Variants in RAG1 observed in about 807,000 individuals in gnomAD.
The protein encoded by RAG1 is V(D)J recombination-activating protein 1.
In RAG1, 35 loss-of-function variants were observed where a neutral mutation model predicts 62.7. The observed-to-expected ratio is 0.56, with a 90% CI of 0.43 to 0.74. The LOEUF (loss-of-function observed/expected upper bound fraction) is 0.74, where lower values mean the gene tolerates loss of function less well. Ranked by LOEUF, RAG1 falls within the 30% of genes least tolerant of loss-of-function variation. The probability of loss-of-function intolerance (pLI) is 0.00; values close to 1 mark genes in which losing one functional copy is unlikely to be tolerated. For synonymous variants in RAG1, 461 were observed against 470.3 expected (o/e 0.98, Z 0.26); for missense variants, 1,169 against 1,278.6 (o/e 0.91, Z 1.31).
chr11:36,535,736 C>T (rs1860316694), intron 2 of RAG1, among the ~76,000 whole-genome samples: 2 of 152,070 alleles, frequency 1.3e-5, no homozygotes, highest in South Asian at 4.1e-4. Context: ...CAGAGCAAGA[C>T]TCCCTCTCAA....
At position 36,577,942 on chromosome 11, in the gene RAG1, C is replaced by T. The variant is rs1321383624; in HGVS notation, c.*1506C>T. 6.0e-6 allele frequency: 1 copy of T among 167,026 alleles called. No individual in the cohort carries two copies. The highest frequency in any genetic ancestry group is 1.5e-5 in the Non-Finnish European group (1 of 68,114). 10.3% of individuals were successfully genotyped at this position (167,026 alleles called of 1,614,324 possible). A position where few individuals can be genotyped will look rare whatever the true frequency, so the allele number is the denominator to read the frequency against. On this transcript the variant is annotated 3_prime_UTR_variant, in exon 2 of 2. Coordinates refer to ENST00000299440, the MANE Select transcript of RAG1 (RefSeq NM_000448.3). ...TGGCTCTTTTGATAGAAGAAAGCAA[C>T]ACAAAAGCTCCAAAGGGCCCCCTAA... is the stretch of plus-strand genomic sequence containing the variant.
At chr11:36,541,418 AAC>A (rs1189765848) in intron 3 of RAG1, among the ~76,000 whole-genome samples, 1 of 152,254 alleles carries the variant, frequency 6.6e-6, no homozygotes, top group Non-Finnish European at 1.5e-5. Context: ...ATTAATGTTG[AAC>A]ACACATTAAC....
chr11:36,514,386 C>A (rs1204494424), intron 1 of RAG1, among the ~76,000 whole-genome samples: 1 of 152,224 alleles, frequency 6.6e-6, no homozygotes, highest in African/African-American at 2.4e-5. Flanking sequence ...AGCAGTGCAG[C>A]AGTCCCCAAA....
Position 36,579,012 on chromosome 11 carries a change from T to C in RAG1, c.*2576T>C, listed in dbSNP as rs897569069. ...GACCAGTGATAATGGCTGATGAAAA[T>C]TGATGATTGGTCAGTGAGGTCAAAA... On this transcript the variant is annotated 3_prime_UTR_variant, in exon 2 of 2. Transcript: ENST00000299440. 2 of 166,960 alleles carry C rather than the reference T, an allele frequency of 1.2e-5. No homozygotes were observed. The highest frequency in any genetic ancestry group is 4.8e-5 in the African/African-American group (2 of 41,404). 10.3% of individuals were successfully genotyped at this position (166,960 alleles called of 1,614,324 possible).
intron 2 of RAG1, among the ~76,000 whole-genome samples, chr11:36,520,935 G>C (rs1860069617): frequency 6.7e-6 from 1 of 149,902 alleles, no homozygotes; most frequent in African/African-American, 2.4e-5. Flanking sequence ...ATATGGTTTG[G>C]CCTGTGTCCC....
intron 2 of RAG1, among the ~76,000 whole-genome samples, chr11:36,521,640 C>T (rs906877703): frequency 6.6e-6 from 1 of 152,048 alleles, no homozygotes; most frequent in African/African-American, 2.4e-5. Context: ...AATGGGGAAG[C>T]AACTTTGGAA....
chr11:36,564,923 T>C (rs2133284041), upstream of RAG1, among the ~76,000 whole-genome samples: 1 of 152,280 alleles, frequency 6.6e-6, no homozygotes, highest in Non-Finnish European at 1.5e-5. Context: ...CTTTTCAGTG[T>C]AGTGGAAAGA....
At chr11:36,522,584 A>G (rs1860097307) in intron 2 of RAG1, among the ~76,000 whole-genome samples, 1 of 152,234 alleles carries the variant, frequency 6.6e-6, no homozygotes, top group East Asian at 1.9e-4. Context: ...GCCCCCACAT[A>G]GAGTTCCTAC....
chr11:36,564,457 A>G (rs1283238315), upstream of RAG1, among the ~76,000 whole-genome samples: 2 of 152,100 alleles, frequency 1.3e-5, no homozygotes, highest in Non-Finnish European at 1.5e-5. Flanking sequence ...CAAATACATG[A>G]TTTCTTCTTA....
In RAG1 at chr11:36,575,722, G is replaced by A. The variant is rs749149886; in HGVS notation, c.2418G>A (p.Glu806=). The change falls in exon 2 of 2, where the codon GAG becomes GAA. Residue 806 remains glutamate, a synonymous_variant. Coordinates refer to ENST00000299440, the MANE Select transcript of RAG1 (RefSeq NM_000448.3). This position sits in a 1 kb window ranked among gnomAD's most constrained non-coding sequence, Gnocchi z 4.1. ...ALHCDIGNAA[E]FYKIFQLEIG... ...ACTGTGACATTGGCAATGCAGCTGA[G>A]TTCTACAAGATCTTCCAGCTAGAGA... is the stretch of plus-strand genomic sequence containing the variant. 16 of 1,614,228 alleles carry A rather than the reference G, an allele frequency of 9.9e-6. No homozygotes were observed. The highest frequency in any genetic ancestry group is 4.5e-5 in the East Asian group (2 of 44,886).
chr11:36,579,538 C>T lies in RAG1; in HGVS notation c.*3102C>T, dbSNP rs1287637249. 1 of 162,484 alleles carries T rather than the reference C, an allele frequency of 6.2e-6. No homozygotes were observed. The highest frequency in any genetic ancestry group is 1.5e-5 in the Non-Finnish European group (1 of 67,224). 10.1% of individuals were successfully genotyped at this position (162,484 alleles called of 1,614,324 possible). A position where few individuals can be genotyped will look rare whatever the true frequency, so the allele number is the denominator to read the frequency against. Reference sequence around the variant, plus strand: ...AACCTTACATTTTGTTTAATGGCTTCCAAGAGCCTTTTTTTTTTTTGTATT... The same window carrying T: ...AACCTTACATTTTGTTTAATGGCTTTCAAGAGCCTTTTTTTTTTTTGTATT... On this transcript the variant is annotated 3_prime_UTR_variant, in exon 2 of 2. Coordinates refer to ENST00000299440, the MANE Select transcript of RAG1 (RefSeq NM_000448.3).
chr11:36,568,472 G>A (rs1470168413), intron 1 of RAG1, among the ~76,000 whole-genome samples: 2 of 152,076 alleles, frequency 1.3e-5, no homozygotes, highest in Non-Finnish European at 2.9e-5. Context: ...AAAATAATCA[G>A]GAACATAATA....
In RAG1 at chr11:36,523,023, G is replaced by T. The variant is rs1860105594; in HGVS notation, n.428+2794G>T. On this transcript the variant is annotated intron_variant and non_coding_transcript_variant, in intron 2 of 2. Coordinates refer to the RAG1 transcript ENST00000529126. ...TATAGGCTCATAGGTGAAGGGACTT[G>T]CTTTGTCTCAGATGAGACTTTGGAC... Among the ~76,000 whole-genome samples, 3 of 152,190 alleles carry T rather than the reference G, an allele frequency of 2.0e-5. No individual in the cohort carries two copies. In the South Asian group the frequency reaches 6.2e-4, roughly 31 times the overall value.
chr11:36,514,178 C>G (rs1177224073), intron 1 of RAG1, among the ~76,000 whole-genome samples: 1 of 152,188 alleles, frequency 6.6e-6, no homozygotes, highest in Non-Finnish European at 1.5e-5. Flanking sequence ...GTGAGTCATC[C>G]TGGAAGTGGA....
chr11:36,522,743 C>T (rs1357950365), intron 2 of RAG1, among the ~76,000 whole-genome samples: 1 of 152,214 alleles, frequency 6.6e-6, no homozygotes, highest in Non-Finnish European at 1.5e-5. Context: ...GGGCTGTACC[C>T]TGCAAAGCCA....
At chr11:36,523,135 G>A (rs1188610844) in intron 2 of RAG1, among the ~76,000 whole-genome samples, 7 of 152,158 alleles carry the variant, frequency 4.6e-5, no homozygotes, top group Non-Finnish European at 7.3e-5. Context: ...GTGAAGATAC[G>A]ATATTTGGGA....
At chr11:36,557,205 C>T (rs1323698723) in intron 3 of RAG1, among the ~76,000 whole-genome samples, 1 of 29,290 alleles carries the variant, frequency 3.4e-5, no homozygotes, top group East Asian at 6.0e-4. Context: ...CGCCCCTCCC[C>T]CAGCCTCGTT....
intron 2 of RAG1, among the ~76,000 whole-genome samples, chr11:36,534,061 A>C (rs930727561): frequency 4.6e-5 from 7 of 152,098 alleles, no homozygotes; most frequent in Non-Finnish European, 1.0e-4. Flanking sequence ...TTGGTTAAAA[A>C]AAATATTGAT....
At position 36,524,506 on chromosome 11, in the gene RAG1, C is replaced by A. The variant is rs1345206995; in HGVS notation, n.428+4277C>A. Among the ~76,000 whole-genome samples the A allele has an allele frequency of 3.3e-5, 4 of 120,070 alleles. No homozygotes were observed. In the South Asian group the frequency reaches 7.9e-4, roughly 24 times the overall value. The allele number at this position is 120,070 out of a possible 152,430, so 78.8% of individuals were successfully genotyped here. ...TGTGTGCTATTTTTTTTTTTTTTTT[C>A]AGACAAGGTCTCACTCTCTTACCCA... is the stretch of plus-strand genomic sequence containing the variant. On this transcript the variant is annotated intron_variant and non_coding_transcript_variant, in intron 2 of 2. Coordinates refer to the RAG1 transcript ENST00000529126.
Sources: allele counts gnomAD v4.1 joint callset (sites outside exome capture counted in the v4.1 genomes callset), GRCh38; gene constraint gnomAD v4.1.1; non-coding constraint Gnocchi (gnomAD v3.1); transcripts MANE v1.5; gene names NCBI Gene and HGNC (gene_info 2026-07-23, HGNC 2026-07-21).